ANKMY1: variants seen among roughly 807,000 people sequenced by gnomAD.
ANKMY1 encodes the protein ankyrin repeat and MYND domain-containing protein 1.
In ANKMY1, 98 loss-of-function variants were observed where a neutral mutation model predicts 102.0. That is an observed-to-expected ratio of 0.96 (90% CI 0.82 to 1.14). The LOEUF (loss-of-function observed/expected upper bound fraction) is 1.14. Among genes scored for constraint, ANKMY1 ranks in the 50% most tolerant of loss-of-function variants. The probability of loss-of-function intolerance (pLI) is 0.00; values close to 1 mark genes in which losing one functional copy is unlikely to be tolerated. For synonymous variants in ANKMY1, 582 were observed against 559.9 expected, an observed-to-expected ratio of 1.04 and a Z score of -0.56; for missense variants, 1,330 against 1,347.6, an observed-to-expected ratio of 0.99 and a Z score of 0.20.
chr2:240,554,936 C>T lies in ANKMY1; in HGVS notation c.266G>A (p.Cys89Tyr). The change falls in exon 3 of 18, where the codon TGC becomes TAC. Residue 89 changes from cysteine to tyrosine, a missense_variant. Physicochemically the swap from Cys to Tyr is radical, Grantham distance 194. Coordinates refer to ENST00000401804, the MANE Select transcript of ANKMY1 (RefSeq NM_001282771.3). ...CAACCCAAACTCCCCCTGGTACATG[C>T]AACCATCCTGCCACTCCTGCACACC... ...VQGVQEWQDG[C>Y]MYQGEFGLNM... 4 of 1,614,192 alleles carry T rather than the reference C, an allele frequency of 2.5e-6. No homozygotes were observed. Among genetic ancestry groups the T allele is most frequent in the Non-Finnish European group, 3.4e-6 (4 of 1,180,022 alleles).
At chr2:240,527,564 T>TAGGTG (rs2083929547) in intron 5 of ANKMY1, 1 of 72,528 alleles carries the variant, frequency 1.4e-5, no homozygotes, top group African/African-American at 5.9e-5. Context: ...GGTGAGTGGG[T>TAGGTG]GAATTAATGG....
chr2:240,559,053 C>T (rs564135774), upstream of ANKMY1, among the ~76,000 whole-genome samples: 7 of 152,236 alleles, frequency 4.6e-5, no homozygotes, highest in East Asian at 1.4e-3. Flanking sequence ...ATGTAGAAAC[C>T]CTCTGTTCTT....
intron 4 of ANKMY1, chr2:240,552,708 T>C: frequency 1.4e-6 from 1 of 707,578 alleles, no homozygotes; most frequent in Non-Finnish European, 2.3e-6. Flanking sequence ...AACAATTTGC[T>C]GGTATCCCTC....
chr2:240,483,623 A>G (rs1436054431), intron 15 of ANKMY1, among the ~76,000 whole-genome samples: 1 of 152,100 alleles, frequency 6.6e-6, no homozygotes, highest in Non-Finnish European at 1.5e-5. Context: ...TTTGTTTTCT[A>G]TATGTCTCAG....
downstream of ANKMY1, among the ~76,000 whole-genome samples, chr2:240,476,174 T>A (rs1433832551): frequency 6.6e-6 from 1 of 151,560 alleles, no homozygotes; most frequent in Non-Finnish European, 1.5e-5. Context: ...GAATATAGAG[T>A]CCAGAAATAA....
chr2:240,534,418 G>A (rs1158470136), intron 4 of ANKMY1, among the ~76,000 whole-genome samples: 1 of 152,114 alleles, frequency 6.6e-6, no homozygotes, highest in African/African-American at 2.4e-5. Context: ...ACCAGCCTGG[G>A]CAACATAGTG....
chr2:240,548,338 AAATT>A (rs1299115611), intron 4 of ANKMY1, among the ~76,000 whole-genome samples: 4 of 152,322 alleles, frequency 2.6e-5, no homozygotes, highest in African/African-American at 7.2e-5. Context: ...AACTCTCAAT[AAATT>A]AGGTATTGAT....
chr2:240,553,710 C>T, intron 3 of ANKMY1: 1 of 152,474 alleles, frequency 6.6e-6, no homozygotes, highest in Non-Finnish European at 1.5e-5. Flanking sequence ...GCCTGACCAA[C>T]ATGGTGAAAC....
the ANKMY1 span, among the ~76,000 whole-genome samples, chr2:240,470,422 C>T: frequency 6.6e-6 from 1 of 152,192 alleles, no homozygotes; most frequent in Non-Finnish European, 1.5e-5. Flanking sequence ...GTGGATGAGC[C>T]GGAGGCAGTC....
intron 9 of ANKMY1, among the ~76,000 whole-genome samples, chr2:240,514,512 G>A (rs1483435609): frequency 6.6e-6 from 1 of 152,126 alleles, no homozygotes; most frequent in Non-Finnish European, 1.5e-5. Flanking sequence ...AAGGTCTAAG[G>A]GAAAACAGTT....
intron 11 of ANKMY1, 138 bp downstream of exon 11, chr2:240,511,723 C>T (rs1315360548): frequency 1.8e-5 from 21 of 1,158,716 alleles, no homozygotes; most frequent in Non-Finnish European, 2.1e-5. Flanking sequence ...GCCTTGCTTC[C>T]CTCCCCATCC....
chr2:240,469,771 TGC>T, the ANKMY1 span, among the ~76,000 whole-genome samples: 1 of 143,886 alleles, frequency 6.9e-6, no homozygotes, highest in African/African-American at 2.8e-5. Flanking sequence ...CGTCCTCACA[TGC>T]CCACATGCCC....
At chr2:240,492,445 A>G (rs183586969) in intron 15 of ANKMY1, among the ~76,000 whole-genome samples, 1 of 152,238 alleles carries the variant, frequency 6.6e-6, no homozygotes, top group African/African-American at 2.4e-5. Context: ...TGATTGGATT[A>G]TTTCAAAAGA....
intron 15 of ANKMY1, among the ~76,000 whole-genome samples, chr2:240,498,666 C>T (rs1318102539): frequency 6.6e-6 from 1 of 151,958 alleles, no homozygotes; most frequent in Non-Finnish European, 1.5e-5. Flanking sequence ...GGATGTGTGT[C>T]CCCTCCAAAT....
chr2:240,556,957 G>C (rs2092412986), intron 2 of ANKMY1, among the ~76,000 whole-genome samples: 1 of 152,172 alleles, frequency 6.6e-6, no homozygotes, highest in African/African-American at 2.4e-5. Flanking sequence ...GCGGCGACAC[G>C]GGTGGCAGAG....
At position 240,506,434 on chromosome 2, in the gene ANKMY1, C is replaced by T. The variant is rs2079086558; in HGVS notation, c.2526+1126G>A. 6.6e-6 allele frequency among the ~76,000 whole-genome samples: 1 copy of T among 152,232 alleles called. No individual in the cohort carries two copies. Among genetic ancestry groups the T allele is most frequent in the Non-Finnish European group, 1.5e-5 (1 of 68,050 alleles). ...TCTGCCGCCTATGGAAAACTGACTT[C>T]TGCGTCCTCACTTAGTCTATCCAGA... On this transcript the variant is annotated intron_variant, in intron 13 of 17. Coordinates refer to ENST00000401804, the MANE Select transcript of ANKMY1 (RefSeq NM_001282771.3). This position sits in a 1 kb window ranked among gnomAD's most constrained non-coding sequence, Gnocchi z 4.9.
At chr2:240,495,853 C>T (rs1458207543) in intron 15 of ANKMY1, among the ~76,000 whole-genome samples, 1 of 152,216 alleles carries the variant, frequency 6.6e-6, no homozygotes, top group Non-Finnish European at 1.5e-5. Context: ...TGGGAATTCA[C>T]TCCTGATGCC....
rs556853874 is a variant in ANKMY1 at position 240,515,925 on chromosome 2, C to T, written c.2005-2983G>A. 4.0e-5 allele frequency among the ~76,000 whole-genome samples: 6 copies of T among 151,628 alleles called. No individual in the cohort carries two copies. In the South Asian group the frequency reaches 8.4e-4, roughly 21 times the overall value. ...ATTTTTAGTAGAGACAGGGTTTCAC[C>T]GTGTTAGCCAGGATGGTCTCTATCT... On this transcript the variant is annotated intron_variant, in intron 9 of 17. Transcript: ENST00000401804.
chr2:240,501,628 T>C (rs987337935), intron 13 of ANKMY1, among the ~76,000 whole-genome samples: 5 of 152,198 alleles, frequency 3.3e-5, no homozygotes, highest in Non-Finnish European at 7.3e-5. Context: ...CTCTGTGACA[T>C]GCGTAACACA....
Sources: gnomAD v4.1 joint callset for allele counts (sites outside exome capture counted in the v4.1 genomes callset) on GRCh38, gnomAD v4.1.1 for gene constraint, Gnocchi (gnomAD v3.1) non-coding constraint, MANE v1.5 for transcripts, NCBI Gene and HGNC (gene_info 2026-07-23, HGNC 2026-07-21) for gene names.